The following ABCA13 variants were observed in gnomAD, a reference collection of about 807,000 sequenced individuals.
ABCA13 encodes ATP-binding cassette sub-family A member 13.
Under a neutral mutation model 478.7 loss-of-function variants are expected in ABCA13, and 476 were observed. The ratio of observed to expected loss-of-function variants is 0.99; its 90% CI spans 0.92 to 1.07. The LOEUF (loss-of-function observed/expected upper bound fraction) is 1.07, where lower values mean the gene tolerates loss of function less well. ABCA13 is among the 50% of genes least tolerant of loss of function. The pLI, the probability that ABCA13 is intolerant of heterozygous loss-of-function variation, is 0.00. For missense variants in ABCA13, 6,060 were observed against 5,910.6 expected (o/e 1.03, Z -0.83); for synonymous variants, 2,252 against 2,158.9 (o/e 1.04, Z -1.20).
intron 31 of ABCA13, among the ~76,000 whole-genome samples, chr7:48,364,341 T>A (rs909070567): frequency 4.6e-5 from 7 of 152,210 alleles, no homozygotes; most frequent in Admixed American, 4.6e-4. Flanking sequence ...GATAATTGGA[T>A]ACATGTGTAC....
intron 35 of ABCA13, among the ~76,000 whole-genome samples, chr7:48,382,946 G>A (rs1422973933): frequency 6.6e-6 from 1 of 152,104 alleles, no homozygotes; most frequent in Non-Finnish European, 1.5e-5. Context: ...GGGATATGAT[G>A]TTCCAGATCT....
At chr7:48,352,513 C>T (rs77901701) in intron 31 of ABCA13, 26 bp downstream of exon 31, 20,082 of 1,551,968 alleles carry the variant, frequency 0.013, 221 homozygotes, top group South Asian at 0.035. Context: ...CAGGAGCCAC[C>T]GACAGTGAGA....
At chr7:48,612,509 A>T (rs533479607) in intron 58 of ABCA13, among the ~76,000 whole-genome samples, 1 of 152,304 alleles carries the variant, frequency 6.6e-6, no homozygotes, top group East Asian at 1.9e-4. Context: ...TTTTTAACAT[A>T]CCTGTGCAAT....
chr7:48,517,475 C>T (rs556254325), intron 52 of ABCA13, among the ~76,000 whole-genome samples: 21 of 152,254 alleles, frequency 1.4e-4, no homozygotes, highest in African/African-American at 5.1e-4. Context: ...AGGTCAACGC[C>T]ACTCTCCAAT....
At chr7:48,479,235 ATTTTCCT>A (rs1205691199) in intron 45 of ABCA13, among the ~76,000 whole-genome samples, 1 of 145,144 alleles carries the variant, frequency 6.9e-6, no homozygotes, top group Non-Finnish European at 1.5e-5. Context: ...TCTTTTAGCA[ATTTTCCT>A]TTTTCCTTTT....
At chr7:48,363,970 G>A (rs958095372) in intron 31 of ABCA13, among the ~76,000 whole-genome samples, 19 of 152,060 alleles carry the variant, frequency 1.2e-4, no homozygotes, top group African/African-American at 4.6e-4. Flanking sequence ...TTTTTCACTT[G>A]TTAATAATTA....
At position 48,479,251 on chromosome 7, in the gene ABCA13, T is replaced by G. The variant is rs569000943; in HGVS notation, c.12976-1785T>G. ...CTTTTAGCAATTTTCCTTTTTCCTTTTTTTGAGACAGAGTCTCGCTCTGTG... is the reference window on the plus strand; with the variant it reads ...CTTTTAGCAATTTTCCTTTTTCCTTGTTTTGAGACAGAGTCTCGCTCTGTG... On this transcript the variant is annotated intron_variant, in intron 45 of 61. Coordinates refer to ENST00000435803, the MANE Select transcript of ABCA13 (RefSeq NM_152701.5). 6.0e-5 allele frequency among the ~76,000 whole-genome samples: 9 copies of G among 150,838 alleles called. 1 individual carries two copies. The East Asian group carries it at 1.6e-3, about 26-fold the overall frequency.
chr7:48,466,702 T>G (rs1344896314), intron 43 of ABCA13, among the ~76,000 whole-genome samples: 1 of 152,210 alleles, frequency 6.6e-6, no homozygotes, highest in Non-Finnish European at 1.5e-5. Flanking sequence ...AGGAAAATAA[T>G]GTACTGTGAA....
chr7:48,452,430 C>T (rs1825156189), intron 42 of ABCA13, among the ~76,000 whole-genome samples: 1 of 152,146 alleles, frequency 6.6e-6, no homozygotes, highest in African/African-American at 2.4e-5. Context: ...TCTCAATGAA[C>T]CCAGGCCAGT....
At position 48,297,301 on chromosome 7, in the gene ABCA13, A is replaced by G. The variant is rs746029228; in HGVS notation, c.9189A>G (p.Thr3063=). 4.7e-5 allele frequency: 76 copies of G among 1,607,454 alleles called. No homozygotes were observed. The Admixed American group carries it at 4.9e-4, about 10-fold the overall frequency. The change falls in exon 22 of 62, where the codon ACA becomes ACG. Residue 3063 remains threonine, a synonymous_variant. Transcript: ENST00000435803. The part of the protein sequence containing the change: ...NPIMTFLSNF[T]VTEDVKIKDL... ...TCATGACTTTTCTCAGCAATTTCAC[A>G]GTAACTGAGGGTAAGTATGTGGTTT...
chr7:48,589,698 G>T (rs1918590), intron 57 of ABCA13, among the ~76,000 whole-genome samples: 3,320 of 152,250 alleles, frequency 0.022, 125 homozygotes, highest in African/African-American at 0.075. Flanking sequence ...ACAGAGAACA[G>T]AAATTCAGGT....
chr7:48,357,364 GC>G (rs2128996357), intron 31 of ABCA13, among the ~76,000 whole-genome samples: 1 of 152,062 alleles, frequency 6.6e-6, no homozygotes, highest in South Asian at 2.1e-4. Flanking sequence ...GCTGCTGGAA[GC>G]CCCCTCTGTT....
At chr7:48,358,938 C>T (rs570745925) in intron 31 of ABCA13, among the ~76,000 whole-genome samples, 5 of 152,054 alleles carry the variant, frequency 3.3e-5, no homozygotes, top group South Asian at 2.1e-4. Flanking sequence ...CGATCTCTTT[C>T]GAGCTTCCTG....
At chr7:48,599,065 G>A (rs1790597235) in intron 58 of ABCA13, among the ~76,000 whole-genome samples, 1 of 149,568 alleles carries the variant, frequency 6.7e-6, no homozygotes, top group African/African-American at 2.5e-5. Flanking sequence ...ATAATATCAT[G>A]TTGATTATGG....
chr7:48,368,178 A>T (rs1811984806), intron 32 of ABCA13, among the ~76,000 whole-genome samples: 1 of 152,192 alleles, frequency 6.6e-6, no homozygotes, highest in South Asian at 2.1e-4. Flanking sequence ...TTCCTCATTC[A>T]GCAACTTTTT....
intron 55 of ABCA13, among the ~76,000 whole-genome samples, chr7:48,536,891 C>A (rs1833622647): frequency 6.6e-6 from 1 of 151,706 alleles, no homozygotes; most frequent in Non-Finnish European, 1.5e-5. Flanking sequence ...ACATCATTTT[C>A]AATTTTTGCT....
intron 39 of ABCA13, among the ~76,000 whole-genome samples, chr7:48,406,920 T>A (rs1355161356): frequency 6.6e-6 from 1 of 151,754 alleles, no homozygotes; most frequent in Non-Finnish European, 1.5e-5. Context: ...TGTATATATA[T>A]ATATTGCTCT....
At chr7:48,359,483 A>G (rs61532297) in intron 31 of ABCA13, among the ~76,000 whole-genome samples, 18,361 of 151,728 alleles carry the variant, frequency 0.12, 1,358 homozygotes, top group East Asian at 0.31. Context: ...TGGTTCCATG[A>G]AAAGGAAAGG....
chr7:48,445,268 C>T (rs1370083049), intron 42 of ABCA13, among the ~76,000 whole-genome samples: 1 of 152,142 alleles, frequency 6.6e-6, no homozygotes, highest in African/African-American at 2.4e-5. Context: ...CTCAGTCTCC[C>T]AAAGTGCTGG....
Sources: gnomAD v4.1 joint callset for allele counts (sites outside exome capture counted in the v4.1 genomes callset) on GRCh38, gnomAD v4.1.1 for gene constraint, MANE v1.5 for transcripts, NCBI Gene and HGNC (gene_info 2026-07-23, HGNC 2026-07-21) for gene names.